Variants in KMT2A observed in about 807,000 individuals in gnomAD.
The protein encoded by KMT2A is lysine methyltransferase 2A, also known as histone-lysine N-methyltransferase 2A.
A neutral mutation model predicts 345.3 loss-of-function variants in KMT2A; 16 were observed. The observed-to-expected ratio is 0.05, with a 90% CI of 0.03 to 0.07. The LOEUF (loss-of-function observed/expected upper bound fraction) is 0.07. Ranked by LOEUF, KMT2A falls within the 10% of genes least tolerant of loss-of-function variation. KMT2A has a pLI of 1.00. For synonymous variants in KMT2A, 1,599 were observed against 1,778.6 expected (o/e 0.90, Z 2.54); for missense variants, 3,272 against 4,841.6 (o/e 0.68, Z 9.62).
chr11:118,492,879 T>G (rs1450414843), intron 15 of KMT2A, among the ~76,000 whole-genome samples, 178 bp from the exon 16 acceptor site: 2 of 152,224 alleles, frequency 1.3e-5, no homozygotes, highest in African/African-American at 4.8e-5. Flanking sequence ...AGCTAAGCTA[T>G]TACATAACAG....
At position 118,476,808 on chromosome 11, in the gene KMT2A, C is replaced by A; in HGVS notation, c.3160C>A (p.Gln1054Lys). 1 of 1,604,376 alleles carries A rather than the reference C, an allele frequency of 6.2e-7. No individual in the cohort carries two copies. Among genetic ancestry groups the A allele is most frequent in the South Asian group, 1.1e-5 (1 of 90,602 alleles). Reference protein sequence around the residue: ...KQTDQPKAQGQESDSSETSVR... With the variant: ...KQTDQPKAQGKESDSSETSVR... Reference sequence around the variant, plus strand: ...TTTTGGATTGCCTCATATTCAGGGTCAAGAAAGTGACTCATCAGAGACCTC... The same window carrying A: ...TTTTGGATTGCCTCATATTCAGGGTAAAGAAAGTGACTCATCAGAGACCTC... The change falls in exon 4 of 36, where the codon CAA (glutamine) becomes AAA (lysine). Residue 1054 changes from glutamine to lysine, a missense_variant. By Grantham distance (53) the Gln-to-Lys change is moderately conservative (BLOSUM62 1). Coordinates refer to ENST00000534358, the MANE Select transcript of KMT2A (RefSeq NM_001197104.2). This position sits in a 1 kb window ranked among gnomAD's most constrained non-coding sequence, Gnocchi z 4.1.
rs782109378 is a variant in KMT2A, at chr11:118,502,512, G to A, written c.6620G>A (p.Arg2207Gln). 2.0e-5 allele frequency: 32 copies of A among 1,613,762 alleles called. 1 individual carries two copies. Among genetic ancestry groups the A allele is most frequent in the South Asian group, 7.7e-5 (7 of 91,066 alleles). ...RHSTSSLSPQRSKLRIMSPMR... is the reference protein window; with the variant it reads ...RHSTSSLSPQQSKLRIMSPMR... ...AGTACCTCTTCCTTATCACCCCAGC[G>A]GTCCAAACTCCGGATAATGTCTCCA... Residue 2207 changes from arginine (R) to glutamine (Q), a missense_variant, in exon 27 of 36, where the codon CGG becomes CAG. By Grantham distance (43) the Arg-to-Gln change is conservative (BLOSUM62 1). Around this residue, in one of 27 missense-constraint regions of KMT2A, gnomAD observed 445 missense variants for 500.9 expected, o/e 0.89. Coordinates refer to ENST00000534358, the MANE Select transcript of KMT2A (RefSeq NM_001197104.2). This position sits in a 1 kb window ranked among gnomAD's most constrained non-coding sequence, Gnocchi z 4.9.
intron 1 of KMT2A, among the ~76,000 whole-genome samples, chr11:118,463,356 T>C (rs1232518397): frequency 2.0e-5 from 3 of 152,222 alleles, no homozygotes; most frequent in East Asian, 1.9e-4. Flanking sequence ...CATTGTAGCA[T>C]TTGGAACATA....
rs542151074 is a variant in KMT2A, at chr11:118,520,496, C to T, written c.11430-306C>T. On this transcript the variant is annotated intron_variant, in intron 33 of 35. Transcript: ENST00000534358. The surrounding 1 kb of genome is among the most constrained non-coding windows in gnomAD (Gnocchi z 4.3). Reference sequence around the variant, plus strand: ...TGAAACCCTATCTCTACTAAAAATACAAAAATTAGCCCGGCGTGGTGGCGC... The same window carrying T: ...TGAAACCCTATCTCTACTAAAAATATAAAAATTAGCCCGGCGTGGTGGCGC... 104 of 362,382 alleles carry T rather than the reference C, an allele frequency of 2.9e-4. 1 individual carries two copies. Among genetic ancestry groups the T allele is most frequent in the African/African-American group, 2.0e-3 (98 of 48,750 alleles). 22.4% of individuals were successfully genotyped at this position (362,382 alleles called of 1,614,324 possible). A position where few individuals can be genotyped will look rare whatever the true frequency, so the allele number is the denominator to read the frequency against.
intron 3 of KMT2A, among the ~76,000 whole-genome samples, chr11:118,474,637 A>G (rs539992728): frequency 6.6e-6 from 1 of 152,362 alleles, no homozygotes; most frequent in East Asian, 1.9e-4. Flanking sequence ...TTGGGACTAT[A>G]TCACAGAGGA....
chr11:118,498,617 G>A lies in KMT2A; in HGVS notation c.5961+89G>A. On this transcript the variant is annotated intron_variant, in intron 22 of 35. Transcript: ENST00000534358. This position sits in a 1 kb window ranked among gnomAD's most constrained non-coding sequence, Gnocchi z 4.4. Reference sequence around the variant, plus strand: ...ACAGCAAAATTGACTGGAAGGTACAGAGATTTCCCATATGCCCCCTGCACC... The same window carrying A: ...ACAGCAAAATTGACTGGAAGGTACAAAGATTTCCCATATGCCCCCTGCACC... 7.3e-7 allele frequency: 1 copy of A among 1,364,204 alleles called. No individual in the cohort carries two copies. The highest frequency in any genetic ancestry group is 1.5e-5 in the African/African-American group (1 of 68,642). The allele number at this position is 1,364,204 out of a possible 1,614,324, so 84.5% of individuals were successfully genotyped here. A position where few individuals can be genotyped will look rare whatever the true frequency, so the allele number is the denominator to read the frequency against.
In KMT2A at chr11:118,461,724, A is replaced by G. The variant is rs1949747332; in HGVS notation, c.433-7051A>G. 2.0e-5 allele frequency among the ~76,000 whole-genome samples: 3 copies of G among 152,208 alleles called. No individual in the cohort carries two copies. In the South Asian group the frequency reaches 6.2e-4, roughly 31 times the overall value. On this transcript the variant is annotated intron_variant, in intron 1 of 35. Transcript: ENST00000534358. ...CAGGGCTGTCCAGGCTTATGATGCC[A>G]CGATGCCAAATGTGGATTTAATTGT...
intron 1 of KMT2A, 143 bp downstream of exon 1, chr11:118,437,087 G>C: frequency 9.7e-7 from 1 of 1,026,058 alleles, no homozygotes. Flanking sequence ...TCCCATCTTG[G>C]GACCCCCATG....
At chr11:118,519,457 C>G (rs575071761) in intron 31 of KMT2A, 161 bp from the exon 32 acceptor site, 1 of 620,454 alleles carries the variant, frequency 1.6e-6, no homozygotes, top group South Asian at 2.3e-5. Flanking sequence ...GTATCAGCAT[C>G]ATTTTAATGG....
chr11:118,496,481 T>C lies in KMT2A; in HGVS notation c.5664+114T>C. On this transcript the variant is annotated intron_variant, in intron 20 of 35. Transcript: ENST00000534358. This position sits in a 1 kb window ranked among gnomAD's most constrained non-coding sequence, Gnocchi z 4.7. ...TTTATTTAATGAACTTACTTATAACTTACTAATTTATAACTTTTATTTACC... is the reference window on the plus strand; with the variant it reads ...TTTATTTAATGAACTTACTTATAACCTACTAATTTATAACTTTTATTTACC... 1 of 613,892 alleles carries C rather than the reference T, an allele frequency of 1.6e-6. No homozygotes were observed. Among genetic ancestry groups the C allele is most frequent in the South Asian group, 2.2e-5 (1 of 45,628 alleles). The allele number at this position is 613,892 out of a possible 1,614,324, so 38.0% of individuals were successfully genotyped here.
At position 118,473,687 on chromosome 11, in the gene KMT2A, C is replaced by G. The variant is rs59939662; in HGVS notation, c.2528C>G (p.Ser843Cys). Reference sequence around the variant, plus strand: ...CTCTTCCCTTGGTTTACCCCAGGCTCTCAGACTGAAAGAGGGAGAAATAAA... The same window carrying G: ...CTCTTCCCTTGGTTTACCCCAGGCTGTCAGACTGAAAGAGGGAGAAATAAA... ...TPLFPWFTPGSQTERGRNKDK... is the reference protein window; with the variant it reads ...TPLFPWFTPGCQTERGRNKDK... Residue 843 changes from serine (S) to cysteine (C), a missense_variant, in exon 3 of 36, where the codon TCT (serine) becomes TGT (cysteine). Physicochemically the swap from Ser to Cys is moderately radical, Grantham distance 112. Around this residue, in one of 27 missense-constraint regions of KMT2A, gnomAD observed 209 missense variants for 237.4 expected, o/e 0.88. Coordinates refer to ENST00000534358, the MANE Select transcript of KMT2A (RefSeq NM_001197104.2). This position sits in a 1 kb window ranked among gnomAD's most constrained non-coding sequence, Gnocchi z 5.2. 1.9e-6 allele frequency: 3 copies of G among 1,614,148 alleles called. No individual in the cohort carries two copies. Among genetic ancestry groups the G allele is most frequent in the Non-Finnish European group, 1.7e-6 (2 of 1,180,034 alleles).
rs372784331 is a variant in KMT2A, at chr11:118,521,450, T to G, written c.11643+33T>G. ...TCCCACTTGCACTCACACAGTTCTT[T>G]TGTTTTGCTGTAGAAAGGGACCAGT... On this transcript the variant is annotated intron_variant, in intron 35 of 35. Transcript: ENST00000534358. The surrounding 1 kb of genome is among the most constrained non-coding windows in gnomAD (Gnocchi z 5.3). The G allele has an allele frequency of 1.9e-6, 3 of 1,610,710 alleles. No individual in the cohort carries two copies. Among genetic ancestry groups the G allele is most frequent in the Non-Finnish European group, 2.5e-6 (3 of 1,177,360 alleles).
At chr11:118,447,491 C>T (rs543760853) in intron 1 of KMT2A, 53 of 196,134 alleles carry the variant, frequency 2.7e-4, no homozygotes, top group Non-Finnish European at 4.2e-4. Flanking sequence ...TGCCATGATG[C>T]GACATTTTTG....
chr11:118,499,669 A>C (rs1555045078), intron 23 of KMT2A, among the ~76,000 whole-genome samples, 166 bp from the exon 24 acceptor site: 1 of 151,632 alleles, frequency 6.6e-6, no homozygotes, highest in African/African-American at 2.4e-5. Flanking sequence ...AATCCCAGCT[A>C]CTTGGGAGGC....
chr11:118,493,185 A>C lies in KMT2A; in HGVS notation c.5133A>C (p.Leu1711=). Residue 1711 remains leucine, a synonymous_variant, in exon 16 of 36, where the codon CTA becomes CTC. Transcript: ENST00000534358. The surrounding 1 kb of genome is among the most constrained non-coding windows in gnomAD (Gnocchi z 5.8). ...AGGATGATCAGCAGCCTTTAGATCT[A>C]GAAGGAGTCAAGAGGAAGATGGACC... The part of the protein sequence containing the change: ...SKQDDQQPLD[L]EGVKRKMDQG... The C allele has an allele frequency of 1.2e-6, 2 of 1,614,150 alleles. No individual in the cohort carries two copies. Among genetic ancestry groups the C allele is most frequent in the Non-Finnish European group, 1.7e-6 (2 of 1,179,984 alleles).
intron 1 of KMT2A, among the ~76,000 whole-genome samples, chr11:118,438,442 G>T (rs1324477121): frequency 1.0e-4 from 15 of 143,974 alleles, no homozygotes; most frequent in African/African-American, 3.8e-4. Context: ...ATTGTAGAGG[G>T]GGGAGGATGG....
chr11:118,464,129 G>GA (rs1238239330), intron 1 of KMT2A, among the ~76,000 whole-genome samples: 1 of 152,154 alleles, frequency 6.6e-6, no homozygotes, highest in African/African-American at 2.4e-5. Context: ...AGTTTGCAAG[G>GA]AAAAAATTCA....
chr11:118,499,260 C>A, intron 22 of KMT2A, 43 bp from the exon 23 acceptor site: 1 of 1,215,740 alleles, frequency 8.2e-7, no homozygotes, highest in Non-Finnish European at 1.2e-6. Context: ...GTATAATGTG[C>A]AAAGGGACAG....
intron 1 of KMT2A, chr11:118,449,978 A>G (rs1214032466): frequency 6.6e-6 from 1 of 151,780 alleles, no homozygotes; most frequent in African/African-American, 2.4e-5. Context: ...AATAAAAAGA[A>G]CTATATCTGA....
Sources: gnomAD v4.1 joint callset for allele counts (sites outside exome capture counted in the v4.1 genomes callset) on GRCh38, gnomAD v4.1.1 for gene constraint, gnomAD v4.1.1 regional missense constraint, Gnocchi (gnomAD v3.1) non-coding constraint, MANE v1.5 for transcripts, NCBI Gene and HGNC (gene_info 2026-07-23, HGNC 2026-07-21) for gene names.